KLHL7: variants seen among roughly 807,000 people sequenced by gnomAD.
KLHL7 encodes kelch like family member 7.
KLHL7 carries 44 observed loss-of-function variants against 67.4 expected under a neutral mutation model. That is an observed-to-expected ratio of 0.65 (90% CI 0.51 to 0.84). KLHL7 has a LOEUF of 0.84. Ranked by LOEUF, KLHL7 falls within the 40% of genes least tolerant of loss-of-function variation. KLHL7 has a pLI of 0.00. For synonymous variants in KLHL7, 252 were observed against 243.3 expected (o/e 1.04, Z -0.33); for missense variants, 362 against 718.1 (o/e 0.50, Z 5.67).
In KLHL7 at chr7:23,140,956, G is replaced by T; in HGVS notation, c.618+12G>T. 1 of 1,610,754 alleles carries T rather than the reference G, an allele frequency of 6.2e-7. No individual in the cohort carries two copies. On this transcript the variant is annotated intron_variant, in intron 5 of 10. Coordinates refer to ENST00000339077, the MANE Select transcript of KLHL7 (RefSeq NM_001031710.3). Reference sequence around the variant, plus strand: ...GAGCAGAGGATCAGGTGACTAAATTGCCTTCTCACATTTTTCTTAATAAAA... The same window carrying T: ...GAGCAGAGGATCAGGTGACTAAATTTCCTTCTCACATTTTTCTTAATAAAA...
rs764554862 is a variant in KLHL7, at chr7:23,105,841, G to A, written c.-186G>A. The A allele has an allele frequency of 2.3e-6, 2 of 870,848 alleles. No individual in the cohort carries two copies. Among genetic ancestry groups the A allele is most frequent in the South Asian group, 1.5e-5 (1 of 67,922 alleles). 53.9% of individuals were successfully genotyped at this position (870,848 alleles called of 1,614,324 possible). On this transcript the variant is annotated 5_prime_UTR_variant, in exon 1 of 11. Transcript: ENST00000339077. ...AGCGTCGCTCCCTGAGCGTTTCTAA[G>A]GGGGCCGCCCGGCCTTGTCTTTCGG...
chr7:23,171,424 A>G (rs1351234200), intron 9 of KLHL7, among the ~76,000 whole-genome samples: 1 of 152,196 alleles, frequency 6.6e-6, no homozygotes, highest in Non-Finnish European at 1.5e-5. Flanking sequence ...GCATGATGAT[A>G]GCTGAGTCTA....
chr7:23,130,337 T>A (rs574096833), intron 4 of KLHL7, among the ~76,000 whole-genome samples: 91 of 152,322 alleles, frequency 6.0e-4, no homozygotes, highest in African/African-American at 2.2e-3. Flanking sequence ...TCTATAAAAT[T>A]CCAGAAAAAC....
chr7:23,122,131 G>GTTTTAGTTTGTACAGTTTAGT (rs1783378056), intron 1 of KLHL7, among the ~76,000 whole-genome samples: 2 of 151,276 alleles, frequency 1.3e-5, no homozygotes, highest in Admixed American at 6.6e-5. Flanking sequence ...AAACTCAGTT[G>GTTTTAGTTTGTACAGTTTAGT]CTGTACAAAG....
intron 6 of KLHL7, among the ~76,000 whole-genome samples, chr7:23,146,604 T>C (rs773918956): frequency 1.3e-5 from 2 of 152,146 alleles, no homozygotes; most frequent in African/African-American, 2.4e-5. Context: ...TTTTAAAAAT[T>C]AGCTAAATTT....
rs201757686 is a variant in KLHL7 at position 23,128,422 on chromosome 7, TAAAAAAAAAAAAAAAA to T, written c.442+3264_442+3279del. Reference sequence around the variant, plus strand: ...AATAAGACTACGACTTCTTTGGGTTTAAAAAAAAAAAAAAAAAAAAAAAAAAAAAGAACTTTAACTT... The same window carrying T: ...AATAAGACTACGACTTCTTTGGGTTTAAAAAAAAAAAAAGAACTTTAACTT... On this transcript the variant is annotated intron_variant, in intron 4 of 10. Transcript: ENST00000339077. Among the ~76,000 whole-genome samples, 160 of 116,882 alleles carry T rather than the reference TAAAAAAAAAAAAAAAA, an allele frequency of 1.4e-3. 1 individual carries two copies. The highest frequency in any genetic ancestry group is 2.1e-3 in the South Asian group (6 of 2,890). The allele number at this position is 116,882 out of a possible 152,430, so 76.7% of individuals were successfully genotyped here. A position where few individuals can be genotyped will look rare whatever the true frequency, so the allele number is the denominator to read the frequency against.
At chr7:23,138,335 G>A (rs1182586050) in intron 4 of KLHL7, among the ~76,000 whole-genome samples, 7 of 151,002 alleles carry the variant, frequency 4.6e-5, no homozygotes, top group Admixed American at 2.0e-4. Flanking sequence ...GGTGGCATGC[G>A]CCTGTACTCC....
At chr7:23,134,871 A>G (rs528498262) in intron 4 of KLHL7, among the ~76,000 whole-genome samples, 1 of 151,822 alleles carries the variant, frequency 6.6e-6, no homozygotes, top group African/African-American at 2.4e-5. Flanking sequence ...AGGTTTGTCC[A>G]TTTTGTTTTA....
At chr7:23,146,167 G>A (rs1444556156) in intron 6 of KLHL7, among the ~76,000 whole-genome samples, 1 of 152,226 alleles carries the variant, frequency 6.6e-6, no homozygotes, top group East Asian at 1.9e-4. Flanking sequence ...CTGTGCAACA[G>A]GGGAAGGAGA....
intron 7 of KLHL7, among the ~76,000 whole-genome samples, chr7:23,163,361 G>A (rs1393562028): frequency 6.6e-6 from 1 of 151,978 alleles, no homozygotes; most frequent in Admixed American, 6.6e-5. Context: ...TAGTGGAGAC[G>A]GGGTTTCACC....
At chr7:23,159,422 G>T (rs1237279992) in intron 7 of KLHL7, among the ~76,000 whole-genome samples, 4 of 151,924 alleles carry the variant, frequency 2.6e-5, no homozygotes, top group African/African-American at 9.7e-5. Flanking sequence ...CTCCTGCCTT[G>T]GCCTCCCAAA....
intron 1 of KLHL7, among the ~76,000 whole-genome samples, chr7:23,109,473 C>G (rs1290391732): frequency 2.0e-5 from 3 of 152,136 alleles, no homozygotes; most frequent in Non-Finnish European, 2.9e-5. Flanking sequence ...TCCTGAGTAC[C>G]ACCATAGTTT....
chr7:23,113,573 G>A (rs1198127601), intron 1 of KLHL7, among the ~76,000 whole-genome samples: 2 of 152,224 alleles, frequency 1.3e-5, no homozygotes, highest in African/African-American at 4.8e-5. Context: ...GCTTACGCCT[G>A]TAATCCCAGC....
chr7:23,125,845 C>T (rs1301068720), intron 4 of KLHL7: 10 of 1,550,356 alleles, frequency 6.5e-6, no homozygotes, highest in Non-Finnish European at 8.7e-6. Context: ...CATGAATGAA[C>T]GTCCAGATGT....
At chr7:23,120,514 G>A (rs6461693) in intron 1 of KLHL7, among the ~76,000 whole-genome samples, 69,210 of 151,956 alleles carry the variant, frequency 0.46, 17,973 homozygotes, top group African/African-American at 0.72. Flanking sequence ...TCTCTCAAAC[G>A]CTTATTTCTC....
chr7:23,164,432 T>C (rs1344605337), intron 7 of KLHL7, among the ~76,000 whole-genome samples: 2 of 152,226 alleles, frequency 1.3e-5, no homozygotes, highest in Non-Finnish European at 1.5e-5. Context: ...TGATCATTAT[T>C]TTATCTCTTT....
At chr7:23,136,271 C>A (rs894393973) in intron 4 of KLHL7, among the ~76,000 whole-genome samples, 2 of 152,196 alleles carry the variant, frequency 1.3e-5, no homozygotes, top group Non-Finnish European at 2.9e-5. Context: ...AGAAAACAAT[C>A]ACATGTATCC....
At chr7:23,171,706 A>C (rs1183765380) in intron 9 of KLHL7, among the ~76,000 whole-genome samples, 2 of 152,166 alleles carry the variant, frequency 1.3e-5, no homozygotes, top group African/African-American at 4.8e-5. Context: ...AGTTGAATTC[A>C]TCAAATTGTT....
chr7:23,132,302 C>T (rs1227422297), intron 4 of KLHL7, among the ~76,000 whole-genome samples: 2 of 152,182 alleles, frequency 1.3e-5, no homozygotes, highest in East Asian at 3.8e-4. Context: ...TTCTCCACAT[C>T]CTTGCCAGCA....
Sources: allele counts gnomAD v4.1 joint callset (sites outside exome capture counted in the v4.1 genomes callset), GRCh38; gene constraint gnomAD v4.1.1; transcripts MANE v1.5; gene names NCBI Gene and HGNC (gene_info 2026-07-23, HGNC 2026-07-21).